The following SYNPR variants were observed in gnomAD, a reference collection of about 807,000 sequenced individuals.
SYNPR encodes the protein synaptoporin.
SYNPR carries 23 observed loss-of-function variants against 32.9 expected under a neutral mutation model. The observed-to-expected ratio is 0.70, with a 90% CI of 0.50 to 0.99. The LOEUF (loss-of-function observed/expected upper bound fraction) is 0.99. Among genes scored for constraint, SYNPR ranks in the 50% least tolerant of loss-of-function variants. SYNPR has a pLI of 0.00. For synonymous variants in SYNPR, 146 were observed against 135.9 expected (o/e 1.07, Z -0.52); for missense variants, 318 against 349.3 (o/e 0.91, Z 0.71).
At chr3:63,519,928 CAT>C (rs1701874134) in intron 3 of SYNPR, among the ~76,000 whole-genome samples, 1 of 152,160 alleles carries the variant, frequency 6.6e-6, no homozygotes, top group South Asian at 2.1e-4. Flanking sequence ...CCACTTCTAA[CAT>C]ATTGTTTTAG....
At chr3:63,319,228 G>T (rs2087081774) in intron 2 of SYNPR, among the ~76,000 whole-genome samples, 1 of 151,972 alleles carries the variant, frequency 6.6e-6, no homozygotes, top group East Asian at 1.9e-4. Flanking sequence ...ACAATGAGTT[G>T]TCTGTAAATT....
intron 4 of SYNPR, among the ~76,000 whole-genome samples, chr3:63,569,117 G>A (rs1050350953): frequency 6.6e-6 from 1 of 152,010 alleles, no homozygotes; most frequent in Admixed American, 6.6e-5. Context: ...GTTTCCCTTT[G>A]TAATGACTGC....
chr3:63,352,782 A>T (rs1278770668), intron 2 of SYNPR, among the ~76,000 whole-genome samples: 1 of 152,158 alleles, frequency 6.6e-6, no homozygotes, highest in East Asian at 1.9e-4. Flanking sequence ...GAACAAAGGG[A>T]TGTCTTGCAT....
chr3:63,487,700 G>A (rs1481067066), intron 3 of SYNPR, among the ~76,000 whole-genome samples: 5 of 152,150 alleles, frequency 3.3e-5, no homozygotes, highest in Admixed American at 1.3e-4. Context: ...GTTGCCCTAG[G>A]ATGTATTAAG....
At chr3:63,259,490 A>G (rs1322406736) in intron 2 of SYNPR, among the ~76,000 whole-genome samples, 3 of 152,226 alleles carry the variant, frequency 2.0e-5, no homozygotes, top group African/African-American at 7.2e-5. Flanking sequence ...TTATCTCAAT[A>G]GATGCAGAAA....
At position 63,406,238 on chromosome 3, in the gene SYNPR, G is replaced by C. The variant is rs138801707; in HGVS notation, c.85-74594G>C. 2.3e-3 allele frequency among the ~76,000 whole-genome samples: 346 copies of C among 150,862 alleles called. 1 individual carries two copies. The highest frequency in any genetic ancestry group is 8.2e-3 in the African/African-American group (338 of 41,118). ...AAAAAAGCCACCTATGCCCTGTATA[G>C]TTTTCAGGACCAACATCCCTGTATT... On this transcript the variant is annotated intron_variant, in intron 2 of 5. Transcript: ENST00000478300.
chr3:63,440,172 A>C (rs1700147309), intron 2 of SYNPR, among the ~76,000 whole-genome samples: 1 of 152,176 alleles, frequency 6.6e-6, no homozygotes, highest in Non-Finnish European at 1.5e-5. Context: ...AAGTAGAACT[A>C]ACAACTGAGT....
chr3:63,357,335 T>C (rs1290648402), intron 2 of SYNPR, among the ~76,000 whole-genome samples: 2 of 152,080 alleles, frequency 1.3e-5, no homozygotes, highest in Non-Finnish European at 2.9e-5. Flanking sequence ...TTTCTCTCTC[T>C]TTTTTTCTCT....
At chr3:63,613,978 G>A (rs1038245088) in intron 5 of SYNPR, among the ~76,000 whole-genome samples, 1 of 152,056 alleles carries the variant, frequency 6.6e-6, no homozygotes, top group Non-Finnish European at 1.5e-5. Context: ...TATTTTGATA[G>A]TCTCAGATCC....
At chr3:63,609,407 T>C (rs1700168053) in intron 5 of SYNPR, 91 bp downstream of exon 5, 4 of 1,235,446 alleles carry the variant, frequency 3.2e-6, no homozygotes, top group Non-Finnish European at 4.3e-6. Context: ...TCTTGAAAAT[T>C]GTTGCCTACA....
At chr3:63,250,267 A>C (rs895876625) in intron 1 of SYNPR, among the ~76,000 whole-genome samples, 1 of 152,158 alleles carries the variant, frequency 6.6e-6, no homozygotes, top group Non-Finnish European at 1.5e-5. Flanking sequence ...CATGTATCAA[A>C]ATACCAGTCA....
At position 63,460,870 on chromosome 3, in the gene SYNPR, T is replaced by A. The variant is rs75333642; in HGVS notation, c.85-19962T>A. 8.4e-3 allele frequency among the ~76,000 whole-genome samples: 1,279 copies of A among 152,150 alleles called. 56 individuals carry two copies. In the East Asian group the frequency reaches 0.13, roughly 16 times the overall value. On this transcript the variant is annotated intron_variant, in intron 2 of 5. Transcript: ENST00000478300. ...GGGCAAGGCTGGAGGCAGGTACAGCTGACAAGACCACCACTCTGGGCAAAT... is the reference window on the plus strand; with the variant it reads ...GGGCAAGGCTGGAGGCAGGTACAGCAGACAAGACCACCACTCTGGGCAAAT...
At chr3:63,408,074 G>T (rs2088385404) in intron 2 of SYNPR, among the ~76,000 whole-genome samples, 6 of 150,508 alleles carry the variant, frequency 4.0e-5, no homozygotes. Flanking sequence ...TGCAGGCTTT[G>T]CCTTGGCTTT....
At chr3:63,548,195 A>T (rs1028159378) in intron 3 of SYNPR, among the ~76,000 whole-genome samples, 8 of 152,210 alleles carry the variant, frequency 5.3e-5, no homozygotes, top group African/African-American at 1.9e-4. Context: ...CTTGAGCATA[A>T]TGGAGAAGTC....
At chr3:63,377,540 C>G (rs1248147138) in intron 2 of SYNPR, among the ~76,000 whole-genome samples, 1 of 152,050 alleles carries the variant, frequency 6.6e-6, no homozygotes, top group African/African-American at 2.4e-5. Context: ...GAGTTAAGAT[C>G]TTTCTTTCAG....
Position 63,564,432 on chromosome 3 carries a change from C to T in SYNPR, c.408+7691C>T, listed in dbSNP as rs183558103. 1.7e-3 allele frequency among the ~76,000 whole-genome samples: 257 copies of T among 151,596 alleles called. 1 individual carries two copies. Among genetic ancestry groups the T allele is most frequent in the Non-Finnish European group, 2.1e-3 (144 of 67,896 alleles). On this transcript the variant is annotated intron_variant, in intron 4 of 5. Coordinates refer to ENST00000478300, the MANE Select transcript of SYNPR (RefSeq NM_001130003.2). ...GGCTGGTCCCAAACTCCTGACCTTG[C>T]GATCCACCTGCCTCAGCCTCCCAAA...
chr3:63,577,755 G>T (rs1703010476), intron 4 of SYNPR, among the ~76,000 whole-genome samples: 1 of 152,104 alleles, frequency 6.6e-6, no homozygotes, highest in African/African-American at 2.4e-5. Flanking sequence ...GATACATTCT[G>T]TAAAGGATTT....
chr3:63,310,085 A>C (rs2367790), intron 2 of SYNPR, among the ~76,000 whole-genome samples: 1 of 151,526 alleles, frequency 6.6e-6, no homozygotes, highest in Non-Finnish European at 1.5e-5. Flanking sequence ...CCCCCTACCA[A>C]GCCCTGCAAG....
intron 2 of SYNPR, among the ~76,000 whole-genome samples, chr3:63,423,414 G>C (rs1699834112): frequency 1.3e-5 from 2 of 152,182 alleles, no homozygotes; most frequent in South Asian, 4.1e-4. Flanking sequence ...GGAGACAGGA[G>C]AAGGACTCAA....
Sources: allele counts gnomAD v4.1 joint callset (sites outside exome capture counted in the v4.1 genomes callset), GRCh38; gene constraint gnomAD v4.1.1; transcripts MANE v1.5; gene names NCBI Gene and HGNC (gene_info 2026-07-23, HGNC 2026-07-21).